RALGDS: variants seen among roughly 807,000 people sequenced by gnomAD.
The protein encoded by RALGDS is ral guanine nucleotide dissociation stimulator, also known as ral guanine nucleotide exchange factor.
In RALGDS, 44 loss-of-function variants were observed where a neutral mutation model predicts 99.8. The ratio of observed to expected loss-of-function variants is 0.44; its 90% CI spans 0.35 to 0.57. The LOEUF is 0.57. Among genes scored for constraint, RALGDS ranks in the 20% least tolerant of loss-of-function variants. RALGDS has a pLI of 0.01. For missense variants in RALGDS, 1,022 were observed against 1,203.1 expected, an observed-to-expected ratio of 0.85 and a Z score of 2.23; for synonymous variants, 529 against 505.0, an observed-to-expected ratio of 1.05 and a Z score of -0.64.
chr9:133,138,510 T>C (rs1037771797), intron 1 of RALGDS, among the ~76,000 whole-genome samples: 2 of 152,174 alleles, frequency 1.3e-5, no homozygotes, highest in Non-Finnish European at 2.9e-5. Flanking sequence ...GGCAGCTGGG[T>C]GTGCCAGGCA....
At chr9:133,147,476 C>A (rs1005627776) in intron 1 of RALGDS, among the ~76,000 whole-genome samples, 4 of 152,228 alleles carry the variant, frequency 2.6e-5, no homozygotes, top group South Asian at 2.1e-4. Flanking sequence ...GCTGCCCCCC[C>A]ACAACCCAGG....
At chr9:133,122,610 A>G (rs556740030), upstream of RALGDS, among the ~76,000 whole-genome samples, 83 of 152,352 alleles carry the variant, frequency 5.4e-4, 1 homozygote, top group Admixed American at 3.1e-3. Context: ...CACAAAAATT[A>G]TGGTGGTAAG....
upstream of RALGDS, among the ~76,000 whole-genome samples, chr9:133,131,336 A>AG (rs1351435740): frequency 2.6e-5 from 4 of 151,700 alleles, no homozygotes; most frequent in Non-Finnish European, 5.9e-5. Flanking sequence ...AGAGGGTTTC[A>AG]GGGGGGCCCT....
chr9:133,130,869 G>T (rs545823083), intron 1 of RALGDS: 2 of 1,330,984 alleles, frequency 1.5e-6, no homozygotes, highest in Non-Finnish European at 2.1e-6. Context: ...TGACCTGGGG[G>T]CCAGAACACT....
chr9:133,109,621 C>T lies in RALGDS; in HGVS notation c.584+5G>A. ...TCCCTTCCTCTTGGCTCAAAGCTCACTCACTTTTTAAGTTGGTCCTGGGGT... is the reference window on the plus strand; with the variant it reads ...TCCCTTCCTCTTGGCTCAAAGCTCATTCACTTTTTAAGTTGGTCCTGGGGT... On this transcript the variant is annotated splice_donor_5th_base_variant and intron_variant, in intron 4 of 17. Transcript: ENST00000372050. 6.2e-7 allele frequency: 1 copy of T among 1,609,978 alleles called. No individual in the cohort carries two copies. The highest frequency in any genetic ancestry group is 8.5e-7 in the Non-Finnish European group (1 of 1,176,378).
At chr9:133,143,423 G>A (rs1441122039) in intron 1 of RALGDS, among the ~76,000 whole-genome samples, 1 of 152,180 alleles carries the variant, frequency 6.6e-6, no homozygotes, top group Non-Finnish European at 1.5e-5. Context: ...GCGAGGAGGT[G>A]GTGGGAGGGC....
chr9:133,103,518 C>T (rs761569118), intron 11 of RALGDS, among the ~76,000 whole-genome samples: 2 of 152,116 alleles, frequency 1.3e-5, no homozygotes, highest in African/African-American at 2.4e-5. Flanking sequence ...GCCGCCTGAC[C>T]GCTGAGGGCC....
At chr9:133,147,727 G>T (rs998306448) in intron 1 of RALGDS, among the ~76,000 whole-genome samples, 1 of 152,222 alleles carries the variant, frequency 6.6e-6, no homozygotes, top group Non-Finnish European at 1.5e-5. Flanking sequence ...GCCTCAGGCA[G>T]AAAACCCAGA....
upstream of RALGDS, among the ~76,000 whole-genome samples, chr9:133,125,106 G>A (rs1428250338): frequency 6.6e-6 from 1 of 152,196 alleles, no homozygotes. Flanking sequence ...TGCAATGTGT[G>A]GATTTTGGAT....
At chr9:133,123,719 C>T (rs541644908), upstream of RALGDS, among the ~76,000 whole-genome samples, 1 of 103,814 alleles carries the variant, frequency 9.6e-6, no homozygotes, top group South Asian at 4.7e-4. Context: ...CAGAGATGCA[C>T]ACACAGAGAC....
At chr9:133,107,418 C>A in intron 6 of RALGDS, 118 bp from the exon 7 acceptor site, 1 of 920,628 alleles carries the variant, frequency 1.1e-6, no homozygotes, top group Non-Finnish European at 1.7e-6. Flanking sequence ...CGTGTCCATG[C>A]AGGGTGCCCA....
chr9:133,126,911 C>T (rs1832180155), intron 1 of RALGDS, among the ~76,000 whole-genome samples: 1 of 152,190 alleles, frequency 6.6e-6, no homozygotes, highest in South Asian at 2.1e-4. Context: ...TGTGGTCCCT[C>T]TTCTCCCTGC....
Position 133,103,730 on chromosome 9 carries a change from C to T in RALGDS, c.1758+17G>A. ...TCTCCTCCCGGGCCCTACTCCAGCC[C>T]CGCCCGGCACACTCACATACAGATA... is the stretch of plus-strand genomic sequence containing the variant. On this transcript the variant is annotated intron_variant, in intron 11 of 17. Coordinates refer to ENST00000372050, the MANE Select transcript of RALGDS (RefSeq NM_006266.4). 1 of 1,612,796 alleles carries T rather than the reference C, an allele frequency of 6.2e-7. No homozygotes were observed.
Position 133,108,152 on chromosome 9 carries a change from G to C in RALGDS, c.1033C>G (p.Pro345Ala). 1 of 1,610,824 alleles carries C rather than the reference G, an allele frequency of 6.2e-7. No homozygotes were observed. The highest frequency in any genetic ancestry group is 8.5e-7 in the Non-Finnish European group (1 of 1,177,894). Residue 345 changes from proline to alanine, a missense_variant, in exon 6 of 18, where the codon CCC becomes GCC. Around this residue, in one of 3 missense-constraint regions of RALGDS, gnomAD observed 825 missense variants for 994.5 expected, o/e 0.83. Coordinates refer to ENST00000372050, the MANE Select transcript of RALGDS (RefSeq NM_006266.4). ...GGCTCCAGCTCTAGAGTTTGTGAGG[G>C]AGCTGGATCCTGTTCTGGAGCTGGC... Reference protein sequence around the residue: ...LEPAPEQDPAPSQTLELEPAP... With the variant: ...LEPAPEQDPAASQTLELEPAP...
rs566098417 is a variant in RALGDS at position 133,129,084 on chromosome 9, C to T, written c.132+1868G>A. The stretch of plus-strand genomic sequence containing the variant: ...AGCAACTCCCATGCCTGGGGCTCGG[C>T]GGTGACCCACCCAGCCCCTCCCCGG... On this transcript the variant is annotated intron_variant, in intron 1 of 17. Transcript: ENST00000372062. 1.8e-4 allele frequency: 277 copies of T among 1,500,398 alleles called. 4 individuals are homozygous for T. In the South Asian group the frequency reaches 2.2e-3, roughly 12 times the overall value. 92.9% of individuals were successfully genotyped at this position (1,500,398 alleles called of 1,614,324 possible).
Position 133,112,143 on chromosome 9 carries a change from G to C in RALGDS, c.193C>G (p.Gln65Glu), listed in dbSNP as rs1015385119. ...TTGATCAGCTCCTCACCGATCTCCT[G>C]CGTGGAGCTCTGTGAAGACAACGCC... ...PDLPRPESST[Q>E]EIGEELINGV... The change falls in exon 2 of 18, where the codon CAG (glutamine) becomes GAG (glutamate). Residue 65 changes from glutamine (Q) to glutamate (E), a missense_variant. Coordinates refer to ENST00000372050, the MANE Select transcript of RALGDS (RefSeq NM_006266.4). 1.3e-6 allele frequency: 2 copies of C among 1,562,748 alleles called. No homozygotes were observed. Among genetic ancestry groups the C allele is most frequent in the Non-Finnish European group, 1.7e-6 (2 of 1,152,774 alleles).
At chr9:133,106,244 C>CT (rs1003074859) in intron 8 of RALGDS, among the ~76,000 whole-genome samples, 5 of 151,758 alleles carry the variant, frequency 3.3e-5, no homozygotes, top group African/African-American at 7.2e-5. Flanking sequence ...GGGTTTTTTT[C>CT]TTTTTTTGGA....
intron 7 of RALGDS, 126 bp downstream of exon 7, chr9:133,106,959 G>T: frequency 9.1e-7 from 1 of 1,094,656 alleles, no homozygotes; most frequent in Non-Finnish European, 1.4e-6. Context: ...CAGTGGGCTG[G>T]GAGAGTCAAG....
chr9:133,107,184 G>A lies in RALGDS; in HGVS notation c.1314C>T (p.Asn438=), dbSNP rs150516923. The part of the protein sequence containing the change: ...PTIRATVTQF[N]SVANCVITTC... ...TGGTGATGACACAGTTGGCCACACT[G>A]TTGAACTGGGTGACAGTGGCGCGGA... The change falls in exon 7 of 18, where the codon AAC becomes AAT. Residue 438 remains asparagine (N), a synonymous_variant. Transcript: ENST00000372050. The A allele has an allele frequency of 4.4e-5, 71 of 1,613,640 alleles. No individual in the cohort carries two copies. The highest frequency in any genetic ancestry group is 5.8e-5 in the Non-Finnish European group (69 of 1,180,050).
Sources: allele counts gnomAD v4.1 joint callset (sites outside exome capture counted in the v4.1 genomes callset), GRCh38; gene constraint gnomAD v4.1.1; regional missense constraint gnomAD v4.1.1; transcripts MANE v1.5; gene names NCBI Gene and HGNC (gene_info 2026-07-23, HGNC 2026-07-21).